MICA: variants seen among roughly 807,000 people sequenced by gnomAD.
MICA encodes MHC class I polypeptide-related sequence A.
A neutral mutation model predicts 34.3 loss-of-function variants in MICA; 18 were observed. The observed-to-expected ratio is 0.52, with a 90% CI of 0.36 to 0.78. MICA has a LOEUF of 0.78. MICA is among the 30% of genes least tolerant of loss of function. The pLI is 0.00. For missense variants in MICA, 333 were observed against 409.4 expected, an observed-to-expected ratio of 0.81 and a Z score of 1.61; for synonymous variants, 135 against 156.9, an observed-to-expected ratio of 0.86 and a Z score of 1.04.
chr6:31,403,890 C>T lies in MICA; in HGVS notation c.70+188C>T, dbSNP rs1001494227. 6.6e-6 allele frequency among the ~76,000 whole-genome samples: 1 copy of T among 151,842 alleles called. No individual in the cohort carries two copies. The highest frequency in any genetic ancestry group is 1.5e-5 in the Non-Finnish European group (1 of 68,010). ...GCTTCCCCGTCACTTTTCAGTCCTC[C>T]TCGGGATCGCGCATCACCTGCACTT... On this transcript the variant is annotated intron_variant, in intron 1 of 5. Transcript: ENST00000449934. This position sits in a 1 kb window ranked among gnomAD's most constrained non-coding sequence, Gnocchi z 4.7.
intron 5 of MICA, among the ~76,000 whole-genome samples, chr6:31,414,342 G>A (rs1472148312): frequency 6.6e-6 from 1 of 152,072 alleles, no homozygotes; most frequent in African/African-American, 2.4e-5. Context: ...AGGGTTAAGC[G>A]GACCAGGCAG....
chr6:31,410,226 C>T (rs1409812980), intron 1 of MICA, among the ~76,000 whole-genome samples: 1 of 151,872 alleles, frequency 6.6e-6, no homozygotes, highest in Non-Finnish European at 1.5e-5. Context: ...TTCCTTCCAC[C>T]ACCTTCATGC....
chr6:31,410,806 C>T lies in MICA; in HGVS notation c.325+9C>T, dbSNP rs371467168. 35 of 1,554,860 alleles carry T rather than the reference C, an allele frequency of 2.3e-5. No individual in the cohort carries two copies. Among genetic ancestry groups the T allele is most frequent in the African/African-American group, 8.2e-5 (6 of 72,930 alleles). On this transcript the variant is annotated intron_variant, in intron 2 of 5. Transcript: ENST00000449934. ...CAAGGACCAGAAAGAAGGTGAGAGT[C>T]GGCAGGGGCAAGAGTGACTGGAGAG...
rs35903766 is a variant in MICA at position 31,405,437 on chromosome 6, G to T, written c.70+1735G>T. Among the ~76,000 whole-genome samples the T allele has an allele frequency of 1.0e-3, 154 of 151,090 alleles. 2 individuals are homozygous for T. Among genetic ancestry groups the T allele is most frequent in the African/African-American group, 3.7e-3 (150 of 40,978 alleles). ...TAATTTTTAACTTTTGTTTGGGTAC[G>T]TAGTAGATATATATGTATATATTTA... On this transcript the variant is annotated intron_variant, in intron 1 of 5. Transcript: ENST00000449934.
At chr6:31,403,162 T>G (rs1368146153), upstream of MICA, among the ~76,000 whole-genome samples, 1 of 151,572 alleles carries the variant, frequency 6.6e-6, no homozygotes, top group East Asian at 1.9e-4. The surrounding 1 kb of genome is among the most constrained non-coding windows in gnomAD (Gnocchi z 4.7). Flanking sequence ...TGAGGGAGTG[T>G]GTTGGGAGAA....
chr6:31,403,571 T>G, upstream of MICA: 1 of 1,380,322 alleles, frequency 7.2e-7, no homozygotes. This position sits in a 1 kb window ranked among gnomAD's most constrained non-coding sequence, Gnocchi z 4.7. Flanking sequence ...GTGACTAAGT[T>G]TCCGCGGCGC....
chr6:31,410,216 T>C (rs1223464076), intron 1 of MICA, among the ~76,000 whole-genome samples: 1 of 151,964 alleles, frequency 6.6e-6, no homozygotes, highest in South Asian at 2.1e-4. Flanking sequence ...TGGCAAGACC[T>C]TCCTTCCACC....
intron 1 of MICA, among the ~76,000 whole-genome samples, chr6:31,408,126 G>T (rs1468073042): frequency 2.6e-5 from 4 of 151,796 alleles, no homozygotes; most frequent in African/African-American, 9.7e-5. Context: ...CCTTTATTCT[G>T]TTGATATGAC....
At chr6:31,401,941 G>T (rs36223706), upstream of MICA, among the ~76,000 whole-genome samples, 1 of 151,850 alleles carries the variant, frequency 6.6e-6, no homozygotes, top group Non-Finnish European at 1.5e-5. Flanking sequence ...AGAGATGTGC[G>T]TTGGGGACAA....
At chr6:31,410,883 T>C in intron 2 of MICA, 86 bp downstream of exon 2, 1 of 1,492,880 alleles carries the variant, frequency 6.7e-7, no homozygotes, top group Non-Finnish European at 8.9e-7. Context: ...CTCTTCCCAC[T>C]GGATCTGGCT....
chr6:31,409,699 A>C (rs1770970758), intron 1 of MICA, among the ~76,000 whole-genome samples: 1 of 151,892 alleles, frequency 6.6e-6, no homozygotes, highest in African/African-American at 2.4e-5. Flanking sequence ...TATGTCATGA[A>C]CATTATCCCC....
intron 1 of MICA, among the ~76,000 whole-genome samples, chr6:31,405,354 TC>T (rs1770693932): frequency 6.6e-6 from 1 of 150,900 alleles, no homozygotes; most frequent in African/African-American, 2.5e-5. Context: ...GCTGAGAATC[TC>T]CCCCTCTACC....
At chr6:31,408,556 C>T (rs1291636915) in intron 1 of MICA, among the ~76,000 whole-genome samples, 4 of 151,864 alleles carry the variant, frequency 2.6e-5, no homozygotes, top group Non-Finnish European at 5.9e-5. Context: ...ACTCTGTGCC[C>T]ATTAATCGGT....
intron 5 of MICA, among the ~76,000 whole-genome samples, chr6:31,414,030 C>T (rs566453218): frequency 3.7e-4 from 56 of 152,150 alleles, no homozygotes; most frequent in Middle Eastern, 3.4e-3. Flanking sequence ...TTCATAATTT[C>T]AGCTCTGCAA....
chr6:31,415,149 C>G lies in MICA; in HGVS notation c.*167C>G. ...CACTGAGGGCACCTAGACTCTACAG[C>G]CAGGCGGCTGGAATTGAATTCCCTG... On this transcript the variant is annotated 3_prime_UTR_variant, in exon 6 of 6. Transcript: ENST00000449934. 1 of 991,028 alleles carries G rather than the reference C, an allele frequency of 1.0e-6. No homozygotes were observed. Among genetic ancestry groups the G allele is most frequent in the South Asian group, 1.3e-5 (1 of 76,704 alleles). 61.4% of individuals were successfully genotyped at this position (991,028 alleles called of 1,614,324 possible). A position where few individuals can be genotyped will look rare whatever the true frequency, so the allele number is the denominator to read the frequency against.
At chr6:31,409,173 C>G (rs775781131) in intron 1 of MICA, among the ~76,000 whole-genome samples, 13 of 151,706 alleles carry the variant, frequency 8.6e-5, no homozygotes, top group Non-Finnish European at 1.9e-4. Flanking sequence ...TTACTTCTAC[C>G]TTTTGGATAT....
chr6:31,401,189 A>C (rs141136493), upstream of MICA, among the ~76,000 whole-genome samples: 1 of 151,506 alleles, frequency 6.6e-6, no homozygotes, highest in African/African-American at 2.4e-5. Context: ...TCTCCCTCCC[A>C]GTCTCTCACT....
chr6:31,411,796 A>G lies in MICA; in HGVS notation c.614-151A>G. The G allele has an allele frequency of 8.0e-7, 1 of 1,249,326 alleles. No homozygotes were observed. Among genetic ancestry groups the G allele is most frequent in the Non-Finnish European group, 1.1e-6 (1 of 927,790 alleles). The allele number at this position is 1,249,326 out of a possible 1,614,324, so 77.4% of individuals were successfully genotyped here. ...AAGGCCCATCCTCCTGCCAGCCTGGAAGAACTGGGCCCCAGAGTGAGGACA... is the reference window on the plus strand; with the variant it reads ...AAGGCCCATCCTCCTGCCAGCCTGGGAGAACTGGGCCCCAGAGTGAGGACA... On this transcript the variant is annotated intron_variant, in intron 3 of 5. Transcript: ENST00000449934. The surrounding 1 kb of genome is among the most constrained non-coding windows in gnomAD (Gnocchi z 4.3).
Position 31,412,239 on chromosome 6 carries a change from G to T in MICA, c.892+14G>T, listed in dbSNP as rs1185703711. Reference sequence around the variant, plus strand: ...CTGTGCCCTCTGGTGAGCCTAGGGTGACCCTGGAGAGGGTCAGGCCAGGGT... The same window carrying T: ...CTGTGCCCTCTGGTGAGCCTAGGGTTACCCTGGAGAGGGTCAGGCCAGGGT... On this transcript the variant is annotated intron_variant, in intron 4 of 5. Transcript: ENST00000449934. 1 of 1,606,952 alleles carries T rather than the reference G, an allele frequency of 6.2e-7. No homozygotes were observed. The highest frequency in any genetic ancestry group is 8.5e-7 in the Non-Finnish European group (1 of 1,176,522).
Sources: gnomAD v4.1 joint callset for allele counts (sites outside exome capture counted in the v4.1 genomes callset) on GRCh38, gnomAD v4.1.1 for gene constraint, Gnocchi (gnomAD v3.1) non-coding constraint, MANE v1.5 for transcripts, NCBI Gene and HGNC (gene_info 2026-07-23, HGNC 2026-07-21) for gene names.